NAV2: variants seen among roughly 807,000 people sequenced by gnomAD.
NAV2 encodes neuron navigator 2, also known as helicase, APC down-regulated 1.
In NAV2, 54 loss-of-function variants were observed where a neutral mutation model predicts 223.2. The observed-to-expected ratio is 0.24, with a 90% CI of 0.19 to 0.30. NAV2 has a LOEUF of 0.30. Ranked by LOEUF, NAV2 falls within the 10% of genes least tolerant of loss-of-function variation. The pLI is 1.00. For synonymous variants in NAV2, 1,279 were observed against 1,239.3 expected (o/e 1.03, Z -0.67); for missense variants, 2,806 against 3,147.5 (o/e 0.89, Z 2.60).
intron 5 of NAV2, among the ~76,000 whole-genome samples, chr11:19,890,541 G>T (rs778791394): frequency 6.6e-6 from 1 of 152,124 alleles, no homozygotes; most frequent in Non-Finnish European, 1.5e-5. Context: ...TAATACCATT[G>T]CTCTGACATC....
Position 19,428,343 on chromosome 11 carries a change from G to T in NAV2, c.75+77316G>T, listed in dbSNP as rs1850916183. ...GCCTAGTGGCTTATCTCAGTACTGGGCTTTGAGAGACACTGGAAATTTTGC... is the reference window on the plus strand; with the variant it reads ...GCCTAGTGGCTTATCTCAGTACTGGTCTTTGAGAGACACTGGAAATTTTGC... On this transcript the variant is annotated intron_variant, in intron 1 of 37. Transcript: ENST00000360655. Among the ~76,000 whole-genome samples the T allele has an allele frequency of 1.3e-5, 2 of 152,168 alleles. 1 individual carries two copies. The highest frequency in any genetic ancestry group is 4.8e-5 in the African/African-American group (2 of 41,454).
chr11:19,984,308 A>G (rs1161122539), intron 11 of NAV2, 61 bp downstream of exon 11: 1 of 1,610,456 alleles, frequency 6.2e-7, no homozygotes, highest in East Asian at 2.2e-5. Context: ...GGCCCTGAGA[A>G]ATGAGGGTTA....
intron 1 of NAV2, among the ~76,000 whole-genome samples, chr11:19,774,380 T>C (rs1834136068): frequency 6.6e-6 from 1 of 152,236 alleles, no homozygotes; most frequent in Admixed American, 6.5e-5. Context: ...TCTCACTATG[T>C]TGTTCAGTCT....
intron 19 of NAV2, among the ~76,000 whole-genome samples, chr11:20,061,192 A>G (rs1019768154): frequency 6.6e-6 from 1 of 152,174 alleles, no homozygotes; most frequent in African/African-American, 2.4e-5. Flanking sequence ...TTACCAAGAA[A>G]ATAAAGAACC....
intron 32 of NAV2, among the ~76,000 whole-genome samples, chr11:20,102,852 A>T (rs1028032949): frequency 6.6e-6 from 1 of 152,070 alleles, no homozygotes; most frequent in South Asian, 2.1e-4. Flanking sequence ...TGTCTCCCCA[A>T]TGCTGTGTGT....
rs144642336 is a variant in NAV2, at chr11:19,897,886, T to TTTTATATATA, written c.931+5293_931+5294insTTATATATAT. 1.7e-4 allele frequency among the ~76,000 whole-genome samples: 21 copies of TTTTATATATA among 120,682 alleles called. 2 individuals are homozygous for TTTTATATATA. Among genetic ancestry groups the TTTTATATATA allele is most frequent in the African/African-American group, 4.0e-4 (12 of 29,684 alleles). The allele number at this position is 120,682 out of a possible 152,430, so 79.2% of individuals were successfully genotyped here. A position where few individuals can be genotyped will look rare whatever the true frequency, so the allele number is the denominator to read the frequency against. ...GCCACAGCTGTGCCTGACCTGTGATTTATATATATATATATATATGTGAGC... is the reference window on the plus strand; with the variant it reads ...GCCACAGCTGTGCCTGACCTGTGATTTTTATATATATATATATATATATATATATGTGAGC... On this transcript the variant is annotated intron_variant, in intron 6 of 37. Transcript: ENST00000349880.
intron 1 of NAV2, among the ~76,000 whole-genome samples, chr11:19,644,425 CG>C (rs1413393318): frequency 6.6e-6 from 1 of 152,172 alleles, no homozygotes; most frequent in Non-Finnish European, 1.5e-5. Flanking sequence ...GGCCCCAGGC[CG>C]GTGGATATGA....
At chr11:19,914,339 C>T (rs2043589077) in intron 6 of NAV2, among the ~76,000 whole-genome samples, 1 of 152,070 alleles carries the variant, frequency 6.6e-6, no homozygotes, top group Admixed American at 6.6e-5. Context: ...TCTGTTCTGC[C>T]GAAATACTTG....
chr11:19,706,567 C>G (rs544649341), intron 1 of NAV2, among the ~76,000 whole-genome samples: 12 of 152,234 alleles, frequency 7.9e-5, no homozygotes, highest in South Asian at 4.2e-4. Context: ...TGAGTTGTTT[C>G]TGTTTTTCAG....
chr11:19,517,046 C>CA (rs67200613), intron 1 of NAV2, among the ~76,000 whole-genome samples: 24,220 of 140,214 alleles, frequency 0.17, 2,035 homozygotes, highest in Middle Eastern at 0.23. Context: ...CCTCTCTCTC[C>CA]AAAAAAAAAA....
At chr11:19,686,392 G>A (rs2049026213) in intron 1 of NAV2, among the ~76,000 whole-genome samples, 1 of 152,152 alleles carries the variant, frequency 6.6e-6, no homozygotes, top group African/African-American at 2.4e-5. Flanking sequence ...CCACAAAGCA[G>A]GTACTCTGTG....
intron 1 of NAV2, among the ~76,000 whole-genome samples, chr11:19,430,130 C>CCTGT (rs1317756410): frequency 6.6e-6 from 1 of 152,206 alleles, no homozygotes; most frequent in East Asian, 1.9e-4. Flanking sequence ...TTCTTACCCA[C>CCTGT]CTGTCCCCTT....
At chr11:19,480,305 T>C (rs1277663499) in intron 1 of NAV2, among the ~76,000 whole-genome samples, 3 of 152,170 alleles carry the variant, frequency 2.0e-5, no homozygotes, top group Admixed American at 6.5e-5. Context: ...AGGCAAGCTT[T>C]GGGGGACACT....
intron 6 of NAV2, among the ~76,000 whole-genome samples, chr11:19,913,790 C>T (rs777166762): frequency 2.0e-4 from 31 of 152,002 alleles, no homozygotes; most frequent in Admixed American, 2.6e-4. Flanking sequence ...TTTGATCAAA[C>T]GATAGTTACC....
At chr11:19,730,381 G>C (rs1365437418) in intron 1 of NAV2, among the ~76,000 whole-genome samples, 2 of 152,204 alleles carry the variant, frequency 1.3e-5, no homozygotes, top group Non-Finnish European at 2.9e-5. Flanking sequence ...GCACCCTGGA[G>C]GGGGAGGAAA....
At chr11:19,396,228 G>A (rs1454901211) in intron 1 of NAV2, among the ~76,000 whole-genome samples, 4 of 152,174 alleles carry the variant, frequency 2.6e-5, no homozygotes, top group Non-Finnish European at 5.9e-5. Context: ...AGCACACCTA[G>A]TACTACCACT....
At chr11:20,099,970 C>G (rs925016437) in intron 31 of NAV2, among the ~76,000 whole-genome samples, 70 of 152,174 alleles carry the variant, frequency 4.6e-4, no homozygotes, top group African/African-American at 1.7e-3. Flanking sequence ...CATCTGGGGG[C>G]CTTTGTCATG....
At position 20,014,059 on chromosome 11, in the gene NAV2, T is replaced by G. The variant is rs114708157; in HGVS notation, c.2769-21900T>G. 1.2e-4 allele frequency among the ~76,000 whole-genome samples: 19 copies of G among 152,310 alleles called. No homozygotes were observed. The East Asian group carries it at 3.5e-3, about 28-fold the overall frequency. Reference sequence around the variant, plus strand: ...CATGACCGGGGCCAGTGGGAAAACTTTGGGTGAAGGAAGTGGAGTGAGATC... The same window carrying G: ...CATGACCGGGGCCAGTGGGAAAACTGTGGGTGAAGGAAGTGGAGTGAGATC... On this transcript the variant is annotated intron_variant, in intron 11 of 37. Transcript: ENST00000349880.
chr11:19,743,614 C>T (rs1448087611), intron 1 of NAV2, among the ~76,000 whole-genome samples: 1 of 152,228 alleles, frequency 6.6e-6, no homozygotes, highest in Non-Finnish European at 1.5e-5. Flanking sequence ...CAATGAAGGA[C>T]AAGATGCAGA....
Sources: gnomAD v4.1 joint callset for allele counts (sites outside exome capture counted in the v4.1 genomes callset) on GRCh38, gnomAD v4.1.1 for gene constraint, MANE v1.5 for transcripts, NCBI Gene and HGNC (gene_info 2026-07-23, HGNC 2026-07-21) for gene names.